Variants in PCID2 observed in about 807,000 individuals in gnomAD.
PCID2 encodes PCI domain-containing protein 2.
A neutral mutation model predicts 61.3 loss-of-function variants in PCID2; 41 were observed. The observed-to-expected ratio is 0.67, with a 90% CI of 0.52 to 0.87. The LOEUF (loss-of-function observed/expected upper bound fraction) is 0.87. Among genes scored for constraint, PCID2 ranks in the 40% least tolerant of loss-of-function variants. The probability of loss-of-function intolerance (pLI) is 0.00; values close to 1 mark genes in which losing one functional copy is unlikely to be tolerated. For synonymous variants in PCID2, 187 were observed against 177.8 expected (o/e 1.05, Z -0.41); for missense variants, 392 against 493.4 (o/e 0.79, Z 1.95).
chr13:113,169,953 G>A, the PCID2 span, among the ~76,000 whole-genome samples: 19 of 152,180 alleles, frequency 1.2e-4, no homozygotes, highest in African/African-American at 4.6e-4. Context: ...CAGCCACTGT[G>A]GCCTCCCTGG....
At chr13:113,165,200 A>T in the PCID2 span, 1 of 1,423,646 alleles carries the variant, frequency 7.0e-7, no homozygotes, top group Non-Finnish European at 9.7e-7. Flanking sequence ...AGAAATGTTG[A>T]CAACTAAGTG....
chr13:113,192,905 T>C (rs1427642108), intron 6 of PCID2, among the ~76,000 whole-genome samples: 1 of 152,162 alleles, frequency 6.6e-6, no homozygotes, highest in African/African-American at 2.4e-5. Flanking sequence ...AAGGTGAAGC[T>C]GTCATGAATG....
chr13:113,169,161 C>T, the PCID2 span, among the ~76,000 whole-genome samples: 1 of 152,166 alleles, frequency 6.6e-6, no homozygotes, highest in African/African-American at 2.4e-5. Context: ...TCTCCGTTCT[C>T]TCCGTGTTTT....
chr13:113,173,146 G>C (rs1404026572), downstream of PCID2, among the ~76,000 whole-genome samples: 1 of 152,196 alleles, frequency 6.6e-6, no homozygotes, highest in Non-Finnish European at 1.5e-5. Flanking sequence ...CCAGCCCCCA[G>C]ATCTGTGAGA....
chr13:113,208,462 C>T (rs998880935), intron 1 of PCID2, 137 bp downstream of exon 1: 149 of 1,527,316 alleles, frequency 9.8e-5, no homozygotes, highest in Non-Finnish European at 1.3e-4. Context: ...GCTCGCGCGG[C>T]TGCCCGCCGG....
chr13:113,176,284 A>C (rs1394254657), downstream of PCID2, among the ~76,000 whole-genome samples: 1 of 152,282 alleles, frequency 6.6e-6, no homozygotes, highest in Non-Finnish European at 1.5e-5. Flanking sequence ...AATTTTTTAT[A>C]AACGGGGAAA....
chr13:113,204,641 C>A (rs1454784171), intron 1 of PCID2, among the ~76,000 whole-genome samples: 1 of 152,172 alleles, frequency 6.6e-6, no homozygotes, highest in East Asian at 1.9e-4. Context: ...GGCCTTGAGC[C>A]CAAGGAGGGC....
At chr13:113,173,412 T>G (rs2037147052), downstream of PCID2, among the ~76,000 whole-genome samples, 1 of 152,190 alleles carries the variant, frequency 6.6e-6, no homozygotes, top group Non-Finnish European at 1.5e-5. Context: ...GGGGCACAGC[T>G]GCTTCTCCAC....
intron 1 of PCID2, among the ~76,000 whole-genome samples, chr13:113,202,313 T>TATC (rs2138940622): frequency 6.6e-6 from 1 of 152,324 alleles, no homozygotes; most frequent in South Asian, 2.1e-4. Flanking sequence ...TCCTGAAGAC[T>TATC]AACTTCCATG....
At chr13:113,203,479 C>T (rs1309824461) in intron 1 of PCID2, among the ~76,000 whole-genome samples, 2 of 152,214 alleles carry the variant, frequency 1.3e-5, no homozygotes, top group Non-Finnish European at 2.9e-5. Flanking sequence ...AGATCCTCAG[C>T]TGTTTAGGGG....
intron 7 of PCID2, chr13:113,187,920 G>C (rs370556019): frequency 2.6e-5 from 4 of 152,232 alleles, no homozygotes; most frequent in Non-Finnish European, 5.9e-5. Context: ...CAAAGGTCGT[G>C]AAGATCACTG....
intron 8 of PCID2, 85 bp downstream of exon 8, chr13:113,185,400 A>T (rs1460829563): frequency 2.2e-6 from 2 of 904,850 alleles, no homozygotes; most frequent in South Asian, 1.3e-5. Flanking sequence ...AACGCCAGGG[A>T]GGCTAGCTGA....
In PCID2 at chr13:113,178,092, G is replaced by C. The variant is rs1358881011; in HGVS notation, c.*106C>G. 2.8e-6 allele frequency: 2 copies of C among 705,394 alleles called. No individual in the cohort carries two copies. The highest frequency in any genetic ancestry group is 4.8e-6 in the Non-Finnish European group (2 of 417,880). The allele number at this position is 705,394 out of a possible 1,614,324, so 43.7% of individuals were successfully genotyped here. On this transcript the variant is annotated 3_prime_UTR_variant, in exon 14 of 14. Transcript: ENST00000337344. ...GCATCCCTGGGAAAAGCGCCTCCAA[G>C]AGTTCCGGCTTCAGGGAGCCTTGTT...
At chr13:113,182,214 A>G (rs1304031196) in intron 9 of PCID2, among the ~76,000 whole-genome samples, 2 of 152,156 alleles carry the variant, frequency 1.3e-5, no homozygotes, top group Non-Finnish European at 2.9e-5. Context: ...ACCCACACTG[A>G]GACCACACAC....
intron 1 of PCID2, chr13:113,207,901 T>C (rs2040020536): frequency 1.2e-5 from 10 of 858,864 alleles, no homozygotes; most frequent in Non-Finnish European, 2.0e-5. Flanking sequence ...TAAAAATCCA[T>C]TCCCTATATT....
chr13:113,180,202 T>C lies in PCID2; in HGVS notation c.816A>G (p.Lys272=), dbSNP rs200067626. 64 of 1,613,966 alleles carry C rather than the reference T, an allele frequency of 4.0e-5. 1 individual carries two copies. The Admixed American group carries it at 4.0e-4, about 10-fold the overall frequency. ...CCGCAAACTGCATCAGGTGATACTT[T>C]TTCAGGAGCTCCACAGTGGGCATGT... ...LGHMPTVELL[K]KYHLMQFAEV... The change falls in exon 11 of 14, where the codon AAA becomes AAG. Residue 272 remains lysine (K), a synonymous_variant. Transcript: ENST00000337344.
chr13:113,166,976 G>C, the PCID2 span, among the ~76,000 whole-genome samples: 285 of 152,272 alleles, frequency 1.9e-3, no homozygotes, highest in Non-Finnish European at 3.4e-3. Flanking sequence ...TTAAGACAGA[G>C]GACACTGACT....
At chr13:113,171,918 C>G in the PCID2 span, 1 of 1,613,766 alleles carries the variant, frequency 6.2e-7, no homozygotes, top group Non-Finnish European at 8.5e-7. The surrounding 1 kb of genome is among the most constrained non-coding windows in gnomAD (Gnocchi z 5.1). Context: ...ACCACCAGGA[C>G]CTACTGTGAG....
intron 7 of PCID2, among the ~76,000 whole-genome samples, chr13:113,188,959 TTGGC>T: frequency 6.6e-6 from 1 of 152,220 alleles, no homozygotes; most frequent in Non-Finnish European, 1.5e-5. Context: ...ATGTGGTTTT[TTGGC>T]CACATCAAGC....
Sources: gnomAD v4.1 joint callset for allele counts (sites outside exome capture counted in the v4.1 genomes callset) on GRCh38, gnomAD v4.1.1 for gene constraint, Gnocchi (gnomAD v3.1) non-coding constraint, MANE v1.5 for transcripts, NCBI Gene and HGNC (gene_info 2026-07-23, HGNC 2026-07-21) for gene names.